Variants in WASF3 observed in about 807,000 individuals in gnomAD.
WASF3 encodes actin-binding protein WASF3.
WASF3 carries 11 observed loss-of-function variants against 46.6 expected under a neutral mutation model. The ratio of observed to expected loss-of-function variants is 0.24; its 90% CI spans 0.15 to 0.39. WASF3 has a LOEUF of 0.39. Ranked by LOEUF, WASF3 falls within the 10% of genes least tolerant of loss-of-function variation. The pLI is 1.00. For missense variants in WASF3, 576 were observed against 669.8 expected, an observed-to-expected ratio of 0.86 and a Z score of 1.55; for synonymous variants, 242 against 259.7, an observed-to-expected ratio of 0.93 and a Z score of 0.65.
chr13:26,567,827 A>G (rs1879516302), intron 1 of WASF3, among the ~76,000 whole-genome samples: 1 of 151,666 alleles, frequency 6.6e-6, no homozygotes, highest in Admixed American at 6.6e-5. Context: ...GTGTGTGTGT[A>G]TATATATATA....
At chr13:26,678,877 A>G (rs909670702) in intron 7 of WASF3, among the ~76,000 whole-genome samples, 3 of 152,124 alleles carry the variant, frequency 2.0e-5, no homozygotes, top group Non-Finnish European at 4.4e-5. Flanking sequence ...CCTGGGGGAT[A>G]TATCGACCTC....
intron 1 of WASF3, among the ~76,000 whole-genome samples, chr13:26,572,795 C>T (rs932239386): frequency 2.6e-5 from 4 of 152,202 alleles, no homozygotes; most frequent in South Asian, 2.1e-4. Flanking sequence ...TCAAGTGATC[C>T]GCCTGCCTCA....
intron 3 of WASF3, among the ~76,000 whole-genome samples, chr13:26,651,386 TAAAAGA>T (rs1340693506): frequency 6.6e-6 from 1 of 151,888 alleles, no homozygotes. Context: ...GAGAAAATCT[TAAAAGA>T]AGAAAGAGGA....
chr13:26,603,289 T>A (rs548067), intron 1 of WASF3, among the ~76,000 whole-genome samples: 129,463 of 152,190 alleles, frequency 0.85, 55,127 homozygotes, highest in East Asian at 0.91. Flanking sequence ...GAAAATCTGG[T>A]TTCAGAGAGC....
chr13:26,675,676 GCCATT>G (rs1883049338), intron 6 of WASF3, among the ~76,000 whole-genome samples: 1 of 149,028 alleles, frequency 6.7e-6, no homozygotes, highest in Non-Finnish European at 1.5e-5. Context: ...GTGTGTGTTT[GCCATT>G]TGTGTTGTCA....
rs776904217 is a variant in WASF3, at chr13:26,642,382, A to G, written c.112A>G (p.Ile38Val). 3 of 1,605,270 alleles carry G rather than the reference A, an allele frequency of 1.9e-6. No individual in the cohort carries two copies. The Admixed American group carries it at 5.2e-5, about 28-fold the overall frequency. The change falls in exon 3 of 10, where the codon ATA becomes GTA. Residue 38 changes from isoleucine (I) to valine (V), a missense_variant. By Grantham distance (29) the Ile-to-Val change is conservative. Around this residue, in one of 3 missense-constraint regions of WASF3, gnomAD observed 213 missense variants for 278.0 expected, o/e 0.77. Coordinates refer to ENST00000335327, the MANE Select transcript of WASF3 (RefSeq NM_006646.6). ...AACCAATAGTACTCTTGCCGCTATC[A>G]TACGCCAGCTGAGCAGTCTGAGTAA... Reference protein sequence around the residue: ...CVTNSTLAAIIRQLSSLSKHA... With the variant: ...CVTNSTLAAIVRQLSSLSKHA...
At chr13:26,672,814 G>A (rs1882960310) in intron 6 of WASF3, among the ~76,000 whole-genome samples, 1 of 152,172 alleles carries the variant, frequency 6.6e-6, no homozygotes, top group Non-Finnish European at 1.5e-5. Context: ...CAGTAGGAGT[G>A]ACAGTTTGGT....
intron 1 of WASF3, among the ~76,000 whole-genome samples, chr13:26,567,379 T>C (rs975372389): frequency 1.3e-5 from 2 of 152,206 alleles, no homozygotes; most frequent in Non-Finnish European, 2.9e-5. Flanking sequence ...GTATCCTGCA[T>C]GGCAAGCTTG....
At chr13:26,549,031 G>T in the WASF3 span, among the ~76,000 whole-genome samples, 1 of 151,124 alleles carries the variant, frequency 6.6e-6, no homozygotes, top group Non-Finnish European at 1.5e-5. Flanking sequence ...TGCCAGGCTG[G>T]AGTGCTGTGG....
chr13:26,688,059 T>A lies in WASF3; in HGVS notation c.*2214T>A, dbSNP rs1883466683. On this transcript the variant is annotated 3_prime_UTR_variant, in exon 10 of 10. Coordinates refer to ENST00000335327, the MANE Select transcript of WASF3 (RefSeq NM_006646.6). The stretch of plus-strand genomic sequence containing the variant: ...GCTGAATCAACAAGTTATTTTCAAC[T>A]CAATTTTATGACTTGCGAAAAAGCT... The A allele has an allele frequency of 6.6e-6, 1 of 152,212 alleles. No individual in the cohort carries two copies. Among genetic ancestry groups the A allele is most frequent in the South Asian group, 2.1e-4 (1 of 4,830 alleles). The allele number at this position is 152,212 out of a possible 1,614,324, so 9.4% of individuals were successfully genotyped here. A position where few individuals can be genotyped will look rare whatever the true frequency, so the allele number is the denominator to read the frequency against.
chr13:26,592,549 C>G (rs1880335264), intron 1 of WASF3, among the ~76,000 whole-genome samples: 1 of 150,986 alleles, frequency 6.6e-6, no homozygotes, highest in African/African-American at 2.5e-5. Context: ...TGAGTGGGTG[C>G]AGAGAGTGTG....
chr13:26,659,110 G>A (rs1323057402), intron 3 of WASF3, among the ~76,000 whole-genome samples: 2 of 152,222 alleles, frequency 1.3e-5, no homozygotes, highest in African/African-American at 4.8e-5. Context: ...AGCAGAGCAG[G>A]GATAAGAGGG....
the WASF3 span, among the ~76,000 whole-genome samples, chr13:26,549,538 T>C: frequency 1.3e-5 from 2 of 152,124 alleles, no homozygotes; most frequent in African/African-American, 4.8e-5. Context: ...AACAGTCCTT[T>C]CTACAAAGAA....
chr13:26,541,370 G>A, the WASF3 span, among the ~76,000 whole-genome samples: 3 of 152,202 alleles, frequency 2.0e-5, no homozygotes, highest in African/African-American at 7.2e-5. Flanking sequence ...GTGCAACCTT[G>A]GGTAAGTTGC....
At chr13:26,597,789 A>G (rs565022448) in intron 1 of WASF3, among the ~76,000 whole-genome samples, 5 of 152,344 alleles carry the variant, frequency 3.3e-5, no homozygotes, top group African/African-American at 9.6e-5. Context: ...TACAAAGGAC[A>G]TGAACTCGTC....
intron 2 of WASF3, among the ~76,000 whole-genome samples, chr13:26,613,639 A>G (rs928157693): frequency 6.6e-6 from 1 of 152,092 alleles, no homozygotes; most frequent in African/African-American, 2.4e-5. Context: ...GTGTGGTGGC[A>G]TGTGCCTGTA....
chr13:26,683,902 G>T (rs976249998), intron 9 of WASF3, among the ~76,000 whole-genome samples: 3 of 152,200 alleles, frequency 2.0e-5, no homozygotes, highest in Admixed American at 1.3e-4. Context: ...CCCAACCCAG[G>T]TTGGTCGAGG....
At chr13:26,612,825 A>G (rs1186531414) in intron 1 of WASF3, 136 bp from the exon 2 acceptor site, 1 of 152,232 alleles carries the variant, frequency 6.6e-6, no homozygotes. Flanking sequence ...CTTACTTAAA[A>G]TAATTAAAAA....
At chr13:26,589,473 A>T (rs1880226402) in intron 1 of WASF3, among the ~76,000 whole-genome samples, 1 of 152,198 alleles carries the variant, frequency 6.6e-6, no homozygotes, top group African/African-American at 2.4e-5. Context: ...TGACTTATGT[A>T]GGCAAGTGGT....
Sources: gnomAD v4.1 joint callset for allele counts (sites outside exome capture counted in the v4.1 genomes callset) on GRCh38, gnomAD v4.1.1 for gene constraint, gnomAD v4.1.1 regional missense constraint, MANE v1.5 for transcripts, NCBI Gene and HGNC (gene_info 2026-07-23, HGNC 2026-07-21) for gene names.